Variants in PRRG1 observed in about 807,000 individuals in gnomAD.
PRRG1 encodes the protein transmembrane gamma-carboxyglutamic acid protein 1.
PRRG1 carries 5 observed loss-of-function variants against 11.8 expected under a neutral mutation model. The ratio of observed to expected loss-of-function variants is 0.42; its 90% CI spans 0.22 to 0.89. The LOEUF is 0.89. Among genes scored for constraint, PRRG1 ranks in the 40% least tolerant of loss-of-function variants. PRRG1 has a pLI of 0.28. For synonymous variants in PRRG1, 66 were observed against 60.4 expected (o/e 1.09, Z -0.43); for missense variants, 155 against 166.1 (o/e 0.93, Z 0.37).
intron 2 of PRRG1, among the ~76,000 whole-genome samples, chrX:37,406,517 G>A (rs1932193456): frequency 9.2e-6 from 1 of 109,003 alleles, no homozygotes; most frequent in Non-Finnish European, 1.9e-5. Context: ...TATATATATA[G>A]TATATACTAT....
intron 3 of PRRG1, among the ~76,000 whole-genome samples, chrX:37,446,727 G>T (rs1428419689): frequency 8.9e-6 from 1 of 111,740 alleles, no homozygotes; most frequent in Non-Finnish European, 1.9e-5. Flanking sequence ...GGGGCATGGG[G>T]CTAGTATCTG....
Position 37,425,949 on chromosome X carries a change from A to C in PRRG1, c.120A>C (p.Glu40Asp). ...QGNIERECKE[E>D]FCTFEEAREA... is the part of the protein sequence containing the mutation. ...ACATTGAGCGTGAGTGCAAAGAAGA[A>C]TTCTGTACATTTGAAGAAGCAAGAG... is the stretch of plus-strand genomic sequence containing the variant. The change falls in exon 3 of 4, where the codon GAA becomes GAC. Residue 40 changes from glutamate (E) to aspartate (D), a missense_variant. By Grantham distance (45) the Glu-to-Asp change is conservative. Coordinates refer to ENST00000378628, the MANE Select transcript of PRRG1 (RefSeq NM_001142395.2). The C allele has an allele frequency of 8.3e-7, 1 of 1,198,595 alleles. No homozygotes were observed. Among genetic ancestry groups the C allele is most frequent in the African/African-American group, 1.7e-5 (1 of 57,316 alleles).
chrX:37,350,073 T>TG (rs1340341711), intron 1 of PRRG1, among the ~76,000 whole-genome samples: 1 of 56,370 alleles, frequency 1.8e-5, no homozygotes, highest in Non-Finnish European at 3.5e-5. Flanking sequence ...GGAGGCGGCG[T>TG]GGGGGGAAGT....
chrX:37,375,662 G>A (rs1569437461), intron 1 of PRRG1, among the ~76,000 whole-genome samples: 1 of 111,385 alleles, frequency 9.0e-6, no homozygotes, highest in Non-Finnish European at 1.9e-5. Context: ...TTAGGTATCC[G>A]TGGATACTCA....
rs782186451 is a variant in PRRG1, at chrX:37,441,139, T to C, written c.172-11997T>C. ...CAGAACTAAATCTGGAAGGAGCTATTATACCAGAAACAAGAAAATGTTACC... is the reference window on the plus strand; with the variant it reads ...CAGAACTAAATCTGGAAGGAGCTATCATACCAGAAACAAGAAAATGTTACC... On this transcript the variant is annotated intron_variant, in intron 3 of 3. Coordinates refer to ENST00000378628, the MANE Select transcript of PRRG1 (RefSeq NM_001142395.2). The C allele has an allele frequency of 7.4e-4, 588 of 793,852 alleles. 3 individuals are homozygous for C. The African/African-American group carries it at 0.029, about 39-fold the overall frequency. 65.4% of individuals were successfully genotyped at this position (793,852 alleles called of 1,213,427 possible). A position where few individuals can be genotyped will look rare whatever the true frequency, so the allele number is the denominator to read the frequency against.
At chrX:37,401,370 C>A (rs1453957510) in intron 1 of PRRG1, among the ~76,000 whole-genome samples, 2 of 110,899 alleles carry the variant, frequency 1.8e-5, no homozygotes, top group African/African-American at 6.6e-5. Flanking sequence ...ATAAACAGAA[C>A]CAAAGACAAA....
At chrX:37,413,345 A>G (rs930462800) in intron 2 of PRRG1, among the ~76,000 whole-genome samples, 5 of 110,197 alleles carry the variant, frequency 4.5e-5, no homozygotes, top group African/African-American at 6.6e-5. Context: ...CCTGGCAATC[A>G]CTGATCTTTT....
intron 1 of PRRG1, among the ~76,000 whole-genome samples, chrX:37,356,121 C>T (rs1410072209): frequency 1.8e-5 from 2 of 111,715 alleles, no homozygotes; most frequent in Non-Finnish European, 3.8e-5. Context: ...TTGAGGGAGG[C>T]AGATAATAAA....
intron 1 of PRRG1, among the ~76,000 whole-genome samples, chrX:37,375,506 G>A (rs1930908172): frequency 9.0e-6 from 1 of 111,635 alleles, no homozygotes; most frequent in Non-Finnish European, 1.9e-5. Context: ...AATAAAAATT[G>A]CAGTATAGCA....
chrX:37,349,376 G>C lies in PRRG1; in HGVS notation c.-61G>C, dbSNP rs1242861777. The C allele has an allele frequency of 8.9e-6, 1 of 112,516 alleles. No homozygotes were observed. Among genetic ancestry groups the C allele is most frequent in the Non-Finnish European group, 1.9e-5 (1 of 53,128 alleles). The allele number at this position is 112,516 out of a possible 1,213,427, so 9.3% of individuals were successfully genotyped here. On this transcript the variant is annotated 5_prime_UTR_variant, in exon 1 of 4. Transcript: ENST00000378628. ...CGACGTGCGGCTCGCAGAACGGCGA[G>C]TAGCGGAGCGGGACCCGCTGTGAGT... is the stretch of plus-strand genomic sequence containing the variant.
In PRRG1 at chrX:37,401,145, T is replaced by C. The variant is rs1346318040; in HGVS notation, c.-41-5064T>C. Among the ~76,000 whole-genome samples, 740 of 108,838 alleles carry C rather than the reference T, an allele frequency of 6.8e-3. 10 individuals carry two copies. The highest frequency in any genetic ancestry group is 0.017 in the South Asian group (41 of 2,399). 94.5% of individuals were successfully genotyped at this position (108,838 alleles called of 115,157 possible). A position where few individuals can be genotyped will look rare whatever the true frequency, so the allele number is the denominator to read the frequency against. On this transcript the variant is annotated intron_variant, in intron 1 of 3. Coordinates refer to ENST00000378628, the MANE Select transcript of PRRG1 (RefSeq NM_001142395.2). Reference sequence around the variant, plus strand: ...CCTAACTTATTTTATGAGGCCAGTATCATCCTGATACCAAAGCCGGGCAGA... The same window carrying C: ...CCTAACTTATTTTATGAGGCCAGTACCATCCTGATACCAAAGCCGGGCAGA...
intron 1 of PRRG1, among the ~76,000 whole-genome samples, chrX:37,360,097 C>G (rs1363938179): frequency 1.8e-5 from 2 of 111,613 alleles, no homozygotes; most frequent in Non-Finnish European, 3.8e-5. Flanking sequence ...AAAAAACCAG[C>G]CTTTGGTTTC....
At chrX:37,407,945 CCTGTTTT>C (rs782748465) in intron 2 of PRRG1, among the ~76,000 whole-genome samples, 19 of 111,886 alleles carry the variant, frequency 1.7e-4, no homozygotes, top group Admixed American at 3.8e-4. Context: ...AGCTTTTGTT[CCTGTTTT>C]CTCCAGAGCT....
At chrX:37,418,854 GCCCCTT>G (rs1932576997) in intron 2 of PRRG1, among the ~76,000 whole-genome samples, 3 of 111,619 alleles carry the variant, frequency 2.7e-5, no homozygotes, top group Non-Finnish European at 5.6e-5. Flanking sequence ...AGCCCACCCT[GCCCCTT>G]TTGCTTTCTA....
At chrX:37,354,904 G>A (rs1227606153) in intron 1 of PRRG1, among the ~76,000 whole-genome samples, 1 of 109,890 alleles carries the variant, frequency 9.1e-6, no homozygotes, top group Non-Finnish European at 1.9e-5. Flanking sequence ...TTGAGGTAAT[G>A]GCTTTTTTGT....
chrX:37,358,249 A>C (rs1556366733), intron 1 of PRRG1, among the ~76,000 whole-genome samples: 1 of 112,006 alleles, frequency 8.9e-6, no homozygotes, highest in African/African-American at 3.2e-5. Context: ...AGGAGTTTAT[A>C]ATATTAAATC....
At chrX:37,354,595 G>A (rs181151856) in intron 1 of PRRG1, among the ~76,000 whole-genome samples, 9 of 108,673 alleles carry the variant, frequency 8.3e-5, no homozygotes, top group South Asian at 4.0e-4. Flanking sequence ...GGTTTTCACC[G>A]TGTTAGCCAG....
intron 2 of PRRG1, among the ~76,000 whole-genome samples, chrX:37,420,018 AT>A (rs782294843): frequency 2.3e-4 from 26 of 111,140 alleles, no homozygotes; most frequent in African/African-American, 5.9e-4. Context: ...GATAAATATC[AT>A]TTTTTTTATT....
At chrX:37,377,928 G>A (rs782504899) in intron 1 of PRRG1, among the ~76,000 whole-genome samples, 1 of 111,708 alleles carries the variant, frequency 9.0e-6, no homozygotes, top group South Asian at 3.8e-4. Context: ...CTAGTGACCT[G>A]TAACTACAGA....
Sources: allele counts gnomAD v4.1 joint callset (sites outside exome capture counted in the v4.1 genomes callset), GRCh38; gene constraint gnomAD v4.1.1; transcripts MANE v1.5; gene names NCBI Gene and HGNC (gene_info 2026-07-23, HGNC 2026-07-21).